ADGRV1: variants seen among roughly 807,000 people sequenced by gnomAD.
ADGRV1 encodes the protein adhesion G protein-coupled receptor V1, also known as G-protein coupled receptor 98.
ADGRV1 carries 359 observed loss-of-function variants against 596.2 expected under a neutral mutation model. That is an observed-to-expected ratio of 0.60 (90% CI 0.55 to 0.66). The LOEUF (loss-of-function observed/expected upper bound fraction) is 0.66. ADGRV1 is among the 30% of genes least tolerant of loss of function. ADGRV1 has a pLI of 0.00. For missense variants in ADGRV1, 7,274 were observed against 7,575.6 expected (o/e 0.96, Z 1.48); for synonymous variants, 2,681 against 2,679.2 (o/e 1.00, Z -0.02).
chr5:90,840,989 A>G lies in ADGRV1; in HGVS notation c.17019+4A>G, dbSNP rs956843653. 1.4e-6 allele frequency: 2 copies of G among 1,394,428 alleles called. No homozygotes were observed. Among genetic ancestry groups the G allele is most frequent in the African/African-American group, 1.4e-5 (1 of 69,574 alleles). 86.4% of individuals were successfully genotyped at this position (1,394,428 alleles called of 1,614,324 possible). A position where few individuals can be genotyped will look rare whatever the true frequency, so the allele number is the denominator to read the frequency against. ...CATGATGCATTTAATAGAAAAGGTAAGTTTTTGTGAATATTAGTAATTTGT... is the reference window on the plus strand; with the variant it reads ...CATGATGCATTTAATAGAAAAGGTAGGTTTTTGTGAATATTAGTAATTTGT... On this transcript the variant is annotated splice_donor_region_variant and intron_variant, in intron 78 of 89. Coordinates refer to ENST00000405460, the MANE Select transcript of ADGRV1 (RefSeq NM_032119.4).
chr5:91,097,615 G>A (rs917405344), intron 86 of ADGRV1, among the ~76,000 whole-genome samples: 1 of 152,088 alleles, frequency 6.6e-6, no homozygotes, highest in African/African-American at 2.4e-5. Flanking sequence ...GGATCGTATG[G>A]TAACTCTGTG....
chr5:91,135,830 G>T (rs1794585272), intron 87 of ADGRV1, among the ~76,000 whole-genome samples: 3 of 152,200 alleles, frequency 2.0e-5, no homozygotes, highest in Admixed American at 1.3e-4. Flanking sequence ...TGTGAACAGG[G>T]ATTGTGCAGG....
At chr5:90,879,102 T>A (rs1335229570) in intron 83 of ADGRV1, among the ~76,000 whole-genome samples, 2 of 152,194 alleles carry the variant, frequency 1.3e-5, no homozygotes, top group Non-Finnish European at 2.9e-5. Context: ...CCAGTCTGCA[T>A]GCAAAAGGAA....
chr5:90,920,391 A>G (rs960202732), intron 83 of ADGRV1, among the ~76,000 whole-genome samples: 3 of 152,198 alleles, frequency 2.0e-5, no homozygotes, highest in Non-Finnish European at 2.9e-5. Flanking sequence ...AGACGCAAAT[A>G]TTAGAACATA....
chr5:90,803,635 A>T lies in ADGRV1; in HGVS notation c.14661+753A>T, dbSNP rs561691667. On this transcript the variant is annotated intron_variant, in intron 71 of 89. Coordinates refer to ENST00000405460, the MANE Select transcript of ADGRV1 (RefSeq NM_032119.4). The stretch of plus-strand genomic sequence containing the variant: ...GGCCACTAAGGGATGCTCTTCAGCT[A>T]CTCCCGCCTGAGCATCTTCTCCAAG... Among the ~76,000 whole-genome samples the T allele has an allele frequency of 4.5e-3, 691 of 152,160 alleles. 2 individuals are homozygous for T. Among genetic ancestry groups the T allele is most frequent in the African/African-American group, 0.016 (656 of 41,502 alleles).
chr5:91,126,717 G>A (rs564353558), intron 87 of ADGRV1, among the ~76,000 whole-genome samples: 1 of 152,112 alleles, frequency 6.6e-6, no homozygotes, highest in African/African-American at 2.4e-5. Flanking sequence ...TCAGTGGAAG[G>A]GTTCCAAGTT....
intron 85 of ADGRV1, among the ~76,000 whole-genome samples, chr5:91,070,615 T>C (rs996692484): frequency 6.6e-6 from 1 of 152,252 alleles, no homozygotes; most frequent in African/African-American, 2.4e-5. Flanking sequence ...GAGATTTTCA[T>C]GCAAGATTTT....
chr5:90,729,549 T>G, intron 49 of ADGRV1, 93 bp from the exon 50 acceptor site: 2 of 977,290 alleles, frequency 2.0e-6, no homozygotes, highest in South Asian at 3.3e-5. Context: ...GAAATTTGTT[T>G]CTTGATATTT....
chr5:90,984,973 T>C (rs1240158910), intron 84 of ADGRV1, among the ~76,000 whole-genome samples: 2 of 152,216 alleles, frequency 1.3e-5, no homozygotes, highest in East Asian at 3.8e-4. Context: ...TTTTATTTCA[T>C]TATCACCTGG....
chr5:90,717,521 A>G (rs1233352272), intron 43 of ADGRV1: 2 of 134,964 alleles, frequency 1.5e-5, no homozygotes, highest in Non-Finnish European at 3.1e-5. Flanking sequence ...TGCAAACTCC[A>G]CCTCCCAGGT....
At chr5:90,838,437 T>C (rs529946746) in intron 77 of ADGRV1, among the ~76,000 whole-genome samples, 38 of 152,216 alleles carry the variant, frequency 2.5e-4, no homozygotes, top group African/African-American at 8.4e-4. Context: ...CAGGCTAGAC[T>C]ATATAGAACT....
At chr5:91,022,153 G>A (rs1255967432) in intron 85 of ADGRV1, among the ~76,000 whole-genome samples, 1 of 152,074 alleles carries the variant, frequency 6.6e-6, no homozygotes, top group Non-Finnish European at 1.5e-5. Flanking sequence ...ATTTCATTTT[G>A]AACTAGTTAA....
At chr5:90,960,459 A>G (rs1366705113) in intron 83 of ADGRV1, among the ~76,000 whole-genome samples, 2 of 152,208 alleles carry the variant, frequency 1.3e-5, no homozygotes, top group Non-Finnish European at 2.9e-5. Context: ...TAAAATAATT[A>G]TAAGAATGGA....
intron 86 of ADGRV1, among the ~76,000 whole-genome samples, chr5:91,088,546 A>G (rs1369677817): frequency 6.6e-6 from 1 of 152,074 alleles, no homozygotes; most frequent in East Asian, 1.9e-4. Context: ...ATAGTGACCA[A>G]AAAACTGTAT....
rs138835441 is a variant in ADGRV1, at chr5:90,637,506, A to C, written c.2017-219A>C. Among the ~76,000 whole-genome samples the C allele has an allele frequency of 2.8e-3, 430 of 152,228 alleles. 1 individual carries two copies. The highest frequency in any genetic ancestry group is 9.3e-3 in the African/African-American group (387 of 41,548). On this transcript the variant is annotated intron_variant, in intron 10 of 89. Coordinates refer to ENST00000405460, the MANE Select transcript of ADGRV1 (RefSeq NM_032119.4). The stretch of plus-strand genomic sequence containing the variant: ...TTGGGTGAGGGTAGTTTTGTATATA[A>C]ATTTGATTAGCAAAAATTAATAAAA...
chr5:91,047,359 C>T (rs1785922941), intron 85 of ADGRV1, among the ~76,000 whole-genome samples: 1 of 152,082 alleles, frequency 6.6e-6, no homozygotes, highest in East Asian at 1.9e-4. Context: ...AGTATTAACT[C>T]ACATGTTCAC....
intron 83 of ADGRV1, among the ~76,000 whole-genome samples, chr5:90,909,888 C>T (rs566516840): frequency 6.6e-6 from 1 of 152,044 alleles, no homozygotes; most frequent in Non-Finnish European, 1.5e-5. Context: ...AAAAACCAAA[C>T]ATTTAAAATA....
At chr5:91,028,022 G>GCTTTTTTTTCTTT (rs1784157388) in intron 85 of ADGRV1, among the ~76,000 whole-genome samples, 1 of 142,398 alleles carries the variant, frequency 7.0e-6, no homozygotes, top group Admixed American at 6.9e-5. Context: ...CTGAGATCCA[G>GCTTTTTTTTCTTT]CTTTTTTTTT....
rs111648522 is a variant in ADGRV1, at chr5:90,740,190, G to A, written c.10550-4856G>A. Among the ~76,000 whole-genome samples the A allele has an allele frequency of 2.1e-3, 320 of 152,150 alleles. 1 individual carries two copies. Among genetic ancestry groups the A allele is most frequent in the African/African-American group, 7.2e-3 (301 of 41,520 alleles). On this transcript the variant is annotated intron_variant, in intron 50 of 89. Transcript: ENST00000405460. ...TCCGTGGGTCTGGGAAGGGTCAGAG[G>A]GTCCCTTTGTGGATAATGCTGACCT...
Sources: gnomAD v4.1 joint callset for allele counts (sites outside exome capture counted in the v4.1 genomes callset) on GRCh38, gnomAD v4.1.1 for gene constraint, MANE v1.5 for transcripts, NCBI Gene and HGNC (gene_info 2026-07-23, HGNC 2026-07-21) for gene names.